Variants in KIF20B observed in about 807,000 individuals in gnomAD.
KIF20B encodes kinesin-like protein KIF20B.
A neutral mutation model predicts 232.5 loss-of-function variants in KIF20B; 188 were observed. That is an observed-to-expected ratio of 0.81 (90% confidence interval 0.72 to 0.91). The LOEUF is 0.91. Among genes scored for constraint, KIF20B ranks in the 40% least tolerant of loss-of-function variants. The probability of loss-of-function intolerance (pLI) is 0.00; values close to 1 mark genes in which losing one functional copy is unlikely to be tolerated. For missense variants in KIF20B, 2,154 were observed against 2,055.9 expected (o/e 1.05, Z -0.92); for synonymous variants, 712 against 683.0 (o/e 1.04, Z -0.66).
chr10:89,721,071 C>T (rs145023012), intron 13 of KIF20B, among the ~76,000 whole-genome samples: 40 of 152,300 alleles, frequency 2.6e-4, no homozygotes, highest in African/African-American at 8.9e-4. Context: ...TACCAGTGTC[C>T]TACAAACACT....
At chr10:89,710,519 A>G (rs979122421) in intron 5 of KIF20B, among the ~76,000 whole-genome samples, 17 of 152,198 alleles carry the variant, frequency 1.1e-4, no homozygotes, top group African/African-American at 3.9e-4. Flanking sequence ...AAGAGCCACC[A>G]TGCCTGGCCT....
chr10:89,733,291 CTATG>C (rs1843370327), intron 19 of KIF20B: 1 of 404,434 alleles, frequency 2.5e-6, no homozygotes, highest in African/African-American at 2.0e-5. Context: ...CTTTCGCAGT[CTATG>C]TAATAATTTC....
chr10:89,739,787 A>C (rs1271656130), intron 21 of KIF20B, among the ~76,000 whole-genome samples: 2 of 151,858 alleles, frequency 1.3e-5, no homozygotes, highest in African/African-American at 4.8e-5. Context: ...TGTTGTGTTT[A>C]TCTAAACTTT....
At chr10:89,735,682 C>G (rs1302808170) in intron 19 of KIF20B, among the ~76,000 whole-genome samples, 1 of 151,686 alleles carries the variant, frequency 6.6e-6, no homozygotes, top group East Asian at 1.9e-4. Flanking sequence ...GGATTACAGG[C>G]GCCCACCACC....
At chr10:89,757,624 A>G (rs1054901877) in intron 26 of KIF20B, among the ~76,000 whole-genome samples, 3 of 151,944 alleles carry the variant, frequency 2.0e-5, no homozygotes, top group Non-Finnish European at 2.9e-5. Context: ...GAAGTTTTTT[A>G]TCTTTCATAT....
intron 8 of KIF20B, 28 bp from the exon 9 acceptor site, chr10:89,716,408 T>C (rs1842934681): frequency 1.1e-6 from 1 of 938,162 alleles, no homozygotes; most frequent in Admixed American, 2.5e-5. Flanking sequence ...CTCAATAAAT[T>C]AATATATATC....
chr10:89,729,375 A>G (rs1843269206), intron 18 of KIF20B, 128 bp downstream of exon 18: 1 of 934,998 alleles, frequency 1.1e-6, no homozygotes, highest in Non-Finnish European at 1.5e-6. Context: ...CTTATGCAAC[A>G]TTGAACTCAA....
At chr10:89,743,142 C>G (rs1188339062) in intron 21 of KIF20B, among the ~76,000 whole-genome samples, 1 of 152,190 alleles carries the variant, frequency 6.6e-6, no homozygotes, top group East Asian at 1.9e-4. Context: ...TAGATAACTT[C>G]CCTCTGGAAA....
intron 19 of KIF20B, among the ~76,000 whole-genome samples, chr10:89,734,651 A>G (rs1841606551): frequency 2.0e-5 from 3 of 152,200 alleles, no homozygotes; most frequent in African/African-American, 4.8e-5. Context: ...AATGATCTCA[A>G]AAGTGCTGCC....
Position 89,738,353 on chromosome 10 carries a change from A to C in KIF20B, c.3512A>C (p.Glu1171Ala). The C allele has an allele frequency of 1.2e-6, 2 of 1,609,866 alleles. No individual in the cohort carries two copies. Among genetic ancestry groups the C allele is most frequent in the Non-Finnish European group, 1.7e-6 (2 of 1,178,652 alleles). The change falls in exon 20 of 33, where the codon GAG becomes GCG. Residue 1171 changes from glutamate (E) to alanine (A), a missense_variant. Physicochemically the swap from Glu to Ala is moderately radical, Grantham distance 107. Transcript: ENST00000371728. ...AKIKELETIL[E>A]TQKVECSHSA... ...ATAAAGGAACTTGAAACAATTTTAGAGACTCAGAAAGTTGAATGTAGTCAT... is the reference window on the plus strand; with the variant it reads ...ATAAAGGAACTTGAAACAATTTTAGCGACTCAGAAAGTTGAATGTAGTCAT...
chr10:89,738,273 A>G lies in KIF20B; in HGVS notation c.3432A>G (p.Glu1144=). The change falls in exon 20 of 33, where the codon GAA becomes GAG. Residue 1144 remains glutamate, a synonymous_variant. Coordinates refer to ENST00000371728, the MANE Select transcript of KIF20B (RefSeq NM_001284259.2). ...TLDVQIQHVV[E]GKRALSELTQ... ...ATGTTCAAATACAGCATGTAGTTGAAGGAAAGAGAGCGCTTTCAGAACTTA... is the reference window on the plus strand; with the variant it reads ...ATGTTCAAATACAGCATGTAGTTGAGGGAAAGAGAGCGCTTTCAGAACTTA... 2 of 1,610,532 alleles carry G rather than the reference A, an allele frequency of 1.2e-6. No individual in the cohort carries two copies. Among genetic ancestry groups the G allele is most frequent in the East Asian group, 2.2e-5 (1 of 44,778 alleles).
At chr10:89,739,660 CTT>C (rs200053232) in intron 21 of KIF20B, among the ~76,000 whole-genome samples, 9 of 139,692 alleles carry the variant, frequency 6.4e-5, no homozygotes, top group East Asian at 2.0e-4. Flanking sequence ...GATTGGAGCA[CTT>C]TTTTTTTTTT....
rs1842105457 is a variant in KIF20B at position 89,755,606 on chromosome 10, TTTA to T, written c.4503+934_4503+936del. ...TTTCCCTTTCCCTTTTCTTTCCTCT[TTTA>T]AAGAGACAAGGTCTTGTTCTGTCAC... On this transcript the variant is annotated intron_variant, in intron 26 of 32. Transcript: ENST00000371728. Among the ~76,000 whole-genome samples, 3 of 151,700 alleles carry T rather than the reference TTTA, an allele frequency of 2.0e-5. No individual in the cohort carries two copies. In the South Asian group the frequency reaches 6.3e-4, roughly 32 times the overall value.
At position 89,728,905 on chromosome 10, in the gene KIF20B, TTGTGTGTGTGTGTGTGTG is replaced by T. The variant is rs71022581; in HGVS notation, c.2272-197_2272-180del. 6.6e-3 allele frequency among the ~76,000 whole-genome samples: 917 copies of T among 138,118 alleles called. 6 individuals are homozygous for T. Among genetic ancestry groups the T allele is most frequent in the Non-Finnish European group, 9.1e-3 (587 of 64,690 alleles). The allele number at this position is 138,118 out of a possible 152,430, so 90.6% of individuals were successfully genotyped here. ...ATATGCTATATAGCTTCTTTTTTCT[TTGTGTGTGTGTGTGTGTG>T]TGTGTGTGTGTGTGTGTGTGTGTGT... On this transcript the variant is annotated intron_variant, in intron 17 of 32. Transcript: ENST00000371728.
intron 29 of KIF20B, among the ~76,000 whole-genome samples, chr10:89,763,828 TTAC>T (rs1439856304): frequency 6.7e-6 from 1 of 149,222 alleles, no homozygotes; most frequent in Non-Finnish European, 1.5e-5. Flanking sequence ...ATAACTATTA[TTAC>T]TATTTATTAA....
At chr10:89,734,310 C>A (rs565146120) in intron 19 of KIF20B, among the ~76,000 whole-genome samples, 64 of 152,210 alleles carry the variant, frequency 4.2e-4, no homozygotes, top group Non-Finnish European at 7.1e-4. Context: ...ACTTGGGAAG[C>A]TGAGGCAGGA....
intron 32 of KIF20B, among the ~76,000 whole-genome samples, chr10:89,773,566 C>T (rs1201639794): frequency 2.6e-5 from 4 of 151,836 alleles, no homozygotes; most frequent in African/African-American, 9.7e-5. Flanking sequence ...TGATTAGTAC[C>T]TGATTTCTTC....
At chr10:89,768,636 G>A in intron 30 of KIF20B, 102 bp from the exon 31 acceptor site, 1 of 1,143,310 alleles carries the variant, frequency 8.7e-7, no homozygotes, top group South Asian at 1.7e-5. Flanking sequence ...TCCTACCTGA[G>A]AATTCATAAC....
At chr10:89,717,866 A>C (rs1842966717) in intron 11 of KIF20B, 144 bp downstream of exon 11, 1 of 528,082 alleles carries the variant, frequency 1.9e-6, no homozygotes, top group South Asian at 3.3e-5. Context: ...CAAGTACTTA[A>C]GAGATCTTGG....
Sources: gnomAD v4.1 joint callset for allele counts (sites outside exome capture counted in the v4.1 genomes callset) on GRCh38, gnomAD v4.1.1 for gene constraint, MANE v1.5 for transcripts, NCBI Gene and HGNC (gene_info 2026-07-23, HGNC 2026-07-21) for gene names.